DAB1: variants seen among roughly 807,000 people sequenced by gnomAD.
DAB1 encodes the protein DAB adaptor protein 1.
In DAB1, 15 loss-of-function variants were observed where a neutral mutation model predicts 64.6. The ratio of observed to expected loss-of-function variants is 0.23; its 90% CI spans 0.16 to 0.36. The LOEUF (loss-of-function observed/expected upper bound fraction) is 0.36, where lower values mean the gene tolerates loss of function less well. Among genes scored for constraint, DAB1 ranks in the 10% least tolerant of loss-of-function variants. The pLI is 1.00. For synonymous variants in DAB1, 235 were observed against 251.9 expected, an observed-to-expected ratio of 0.93 and a Z score of 0.64; for missense variants, 596 against 706.7, an observed-to-expected ratio of 0.84 and a Z score of 1.78.
At chr1:57,922,519 C>T (rs1399066988) in intron 5 of DAB1, among the ~76,000 whole-genome samples, 3 of 151,950 alleles carry the variant, frequency 2.0e-5, no homozygotes, top group East Asian at 1.9e-4. Context: ...AGTAACTTTG[C>T]CCTGAGGAAC....
chr1:58,156,996 A>T (rs1342706556), intron 4 of DAB1, among the ~76,000 whole-genome samples: 2 of 152,172 alleles, frequency 1.3e-5, no homozygotes, highest in African/African-American at 4.8e-5. Context: ...ACCGAACGGG[A>T]TCTGAGTTAT....
At chr1:57,169,062 A>ATAAATAAG (rs1194610452) in intron 2 of DAB1, among the ~76,000 whole-genome samples, 1 of 152,210 alleles carries the variant, frequency 6.6e-6, no homozygotes, top group Non-Finnish European at 1.5e-5. Flanking sequence ...CCTCAAATAA[A>ATAAATAAG]TAAATAAGTA....
intron 4 of DAB1, among the ~76,000 whole-genome samples, chr1:57,077,308 T>C (rs767135759): frequency 1.3e-5 from 2 of 152,164 alleles, no homozygotes; most frequent in South Asian, 2.1e-4. Context: ...GAAAGATCCA[T>C]GTCTGGTTCT....
chr1:58,502,353 T>C (rs909622071), intron 3 of DAB1, among the ~76,000 whole-genome samples: 3 of 152,220 alleles, frequency 2.0e-5, no homozygotes, highest in African/African-American at 7.2e-5. Flanking sequence ...AAATATGCAA[T>C]ACTGTTACTT....
intron 6 of DAB1, among the ~76,000 whole-genome samples, chr1:57,707,252 C>T (rs1646978701): frequency 6.6e-6 from 1 of 152,078 alleles, no homozygotes; most frequent in African/African-American, 2.4e-5. Context: ...AATGGAATCA[C>T]ACATCACACA....
At chr1:58,428,467 G>T (rs1644840688) in intron 3 of DAB1, among the ~76,000 whole-genome samples, 1 of 151,954 alleles carries the variant, frequency 6.6e-6, no homozygotes, top group Non-Finnish European at 1.5e-5. Context: ...TAAAACAAAG[G>T]TATCCATACA....
intron 4 of DAB1, among the ~76,000 whole-genome samples, chr1:57,099,881 G>A (rs537907518): frequency 6.6e-6 from 1 of 152,288 alleles, no homozygotes; most frequent in South Asian, 2.1e-4. Context: ...GGAATGAAGT[G>A]AGCCAGATGT....
chr1:57,554,526 G>A (rs796385973), intron 7 of DAB1, among the ~76,000 whole-genome samples: 15 of 152,264 alleles, frequency 9.9e-5, no homozygotes, highest in Admixed American at 2.6e-4. Context: ...CTATGGTTTC[G>A]ATAAGCCTTT....
chr1:57,990,854 T>C (rs1188000), intron 5 of DAB1, among the ~76,000 whole-genome samples: 147,314 of 152,218 alleles, frequency 0.97, 71,469 homozygotes, highest in East Asian at 1. Context: ...TCATTTACAC[T>C]GGGCACACAC....
At chr1:57,462,685 T>C (rs573387537) in intron 7 of DAB1, among the ~76,000 whole-genome samples, 2 of 152,298 alleles carry the variant, frequency 1.3e-5, no homozygotes, top group African/African-American at 2.4e-5. Flanking sequence ...GAAGTTAACA[T>C]GCACATGGAC....
intron 7 of DAB1, among the ~76,000 whole-genome samples, chr1:57,624,860 G>A (rs1419821812): frequency 6.6e-6 from 1 of 152,196 alleles, no homozygotes; most frequent in Non-Finnish European, 1.5e-5. Flanking sequence ...AGCAGCAAAT[G>A]CCTTCTTTCT....
intron 4 of DAB1, among the ~76,000 whole-genome samples, chr1:58,251,815 TCCAGCTG>T: frequency 6.6e-6 from 1 of 151,880 alleles, no homozygotes; most frequent in South Asian, 2.1e-4. Flanking sequence ...AAAAGCTCAC[TCCAGCTG>T]CTGTGCAGAG....
At chr1:57,309,006 G>C (rs116045525) in intron 1 of DAB1, among the ~76,000 whole-genome samples, 1 of 152,070 alleles carries the variant, frequency 6.6e-6, no homozygotes, top group Admixed American at 6.6e-5. Flanking sequence ...CTTTGAATGC[G>C]GCCCAACACA....
intron 2 of DAB1, among the ~76,000 whole-genome samples, chr1:57,231,493 A>G (rs1667679126): frequency 6.6e-6 from 1 of 152,208 alleles, no homozygotes; most frequent in African/African-American, 2.4e-5. Context: ...TTCAATGAAT[A>G]TTTAATGAAT....
intron 2 of DAB1, among the ~76,000 whole-genome samples, chr1:57,246,342 A>G (rs1668874010): frequency 6.6e-6 from 1 of 152,222 alleles, no homozygotes; most frequent in African/African-American, 2.4e-5. Context: ...GCTAAAAGGG[A>G]TGAAGGTACA....
chr1:57,156,987 G>A (rs1477318355), intron 2 of DAB1, among the ~76,000 whole-genome samples: 1 of 152,100 alleles, frequency 6.6e-6, no homozygotes, highest in Non-Finnish European at 1.5e-5. Context: ...AAAATCAAAT[G>A]CCTCTGTCAG....
At chr1:58,183,992 CT>C (rs1258023784) in intron 4 of DAB1, among the ~76,000 whole-genome samples, 1 of 151,998 alleles carries the variant, frequency 6.6e-6, no homozygotes, top group Non-Finnish European at 1.5e-5. Context: ...AACAACGCCC[CT>C]GGACATGCAC....
At chr1:58,051,640 T>C (rs182831143) in intron 5 of DAB1, among the ~76,000 whole-genome samples, 6 of 152,340 alleles carry the variant, frequency 3.9e-5, no homozygotes, top group Admixed American at 1.3e-4. Context: ...TCCACAATGG[T>C]TGAAGCAATT....
chr1:57,986,978 T>G (rs999449788), intron 5 of DAB1, among the ~76,000 whole-genome samples: 1 of 152,236 alleles, frequency 6.6e-6, no homozygotes, highest in Non-Finnish European at 1.5e-5. Flanking sequence ...TTAAATGAAT[T>G]GTTCAAGGTC....
Sources: gnomAD v4.1 joint callset for allele counts (sites outside exome capture counted in the v4.1 genomes callset) on GRCh38, gnomAD v4.1.1 for gene constraint, MANE v1.5 for transcripts, NCBI Gene and HGNC (gene_info 2026-07-23, HGNC 2026-07-21) for gene names.